Variants in SCYL2 observed in about 807,000 individuals in gnomAD.
The protein encoded by SCYL2 is SCY1 like pseudokinase 2, also known as SCY1-like protein 2.
A neutral mutation model predicts 100.4 loss-of-function variants in SCYL2; 36 were observed. The observed-to-expected ratio is 0.36, with a 90% CI of 0.27 to 0.47. SCYL2 has a LOEUF of 0.47. SCYL2 is among the 20% of genes least tolerant of loss of function. The pLI, the probability that SCYL2 is intolerant of heterozygous loss-of-function variation, is 1.00. For missense variants in SCYL2, 902 were observed against 1,083.9 expected (o/e 0.83, Z 2.36); for synonymous variants, 330 against 359.2 (o/e 0.92, Z 0.92).
rs554585557 is a variant in SCYL2 at position 100,304,118 on chromosome 12, G to A, written c.480+5943G>A. 5.3e-5 allele frequency among the ~76,000 whole-genome samples: 8 copies of A among 152,270 alleles called. No individual in the cohort carries two copies. In the South Asian group the frequency reaches 1.0e-3, roughly 20 times the overall value. On this transcript the variant is annotated intron_variant, in intron 4 of 17. Transcript: ENST00000360820. The stretch of plus-strand genomic sequence containing the variant: ...AGACGCCTCTCCCCTCACTGAGCTC[G>A]AGTGTCCCAGGTTGATTTCAGACTG...
chr12:100,270,881 GCTT>G (rs2096286900), intron 1 of SCYL2, among the ~76,000 whole-genome samples: 1 of 151,872 alleles, frequency 6.6e-6, no homozygotes, highest in African/African-American at 2.4e-5. Context: ...TTAGCATGGT[GCTT>G]TTCATCTAGT....
chr12:100,297,571 C>T (rs1218288000), intron 3 of SCYL2, among the ~76,000 whole-genome samples: 1 of 152,228 alleles, frequency 6.6e-6, no homozygotes, highest in Non-Finnish European at 1.5e-5. Context: ...CCTTGTCTCT[C>T]TTCCTGACTA....
intron 3 of SCYL2, among the ~76,000 whole-genome samples, chr12:100,295,511 C>T (rs1349333271): frequency 6.6e-6 from 1 of 152,044 alleles, no homozygotes; most frequent in Non-Finnish European, 1.5e-5. Context: ...GCCAGGCCAA[C>T]ACAGCGAAAC....
intron 3 of SCYL2, 21 bp downstream of exon 3, chr12:100,291,681 A>G: frequency 1.3e-6 from 2 of 1,555,800 alleles, no homozygotes; most frequent in African/African-American, 1.4e-5. Flanking sequence ...ACAAAAACTT[A>G]CATAGTAGAC....
intron 1 of SCYL2, among the ~76,000 whole-genome samples, chr12:100,279,959 T>C (rs1272380347): frequency 6.6e-5 from 10 of 152,336 alleles, no homozygotes; most frequent in Admixed American, 4.6e-4. Context: ...AGAACTTTCA[T>C]CTACCTCCGC....
chr12:100,337,673 C>T (rs932157661), intron 17 of SCYL2, among the ~76,000 whole-genome samples, 167 bp downstream of exon 17: 1 of 152,090 alleles, frequency 6.6e-6, no homozygotes, highest in South Asian at 2.1e-4. Flanking sequence ...TCAGCTATAA[C>T]CTGCCTAATG....
At chr12:100,274,256 A>C (rs1471174965) in intron 1 of SCYL2, among the ~76,000 whole-genome samples, 1 of 152,218 alleles carries the variant, frequency 6.6e-6, no homozygotes, top group Non-Finnish European at 1.5e-5. Flanking sequence ...TGTATCCAAT[A>C]ATTTTGAATA....
chr12:100,307,594 C>G (rs1214738935), intron 4 of SCYL2, among the ~76,000 whole-genome samples: 1 of 152,162 alleles, frequency 6.6e-6, no homozygotes, highest in African/African-American at 2.4e-5. Flanking sequence ...GGAAAGACTT[C>G]ATGACTAAAG....
chr12:100,279,844 G>T (rs1463269198), intron 1 of SCYL2, among the ~76,000 whole-genome samples: 2 of 152,230 alleles, frequency 1.3e-5, no homozygotes, highest in African/African-American at 4.8e-5. Context: ...ACCTGGTGGA[G>T]TGTCACACTA....
At chr12:100,332,017 C>G (rs113026632) in intron 13 of SCYL2, among the ~76,000 whole-genome samples, 2 of 152,060 alleles carry the variant, frequency 1.3e-5, no homozygotes, top group Admixed American at 1.3e-4. Context: ...TATAGTTATG[C>G]CCAGGCTGTG....
At position 100,339,421 on chromosome 12, in the gene SCYL2, A is replaced by C; in HGVS notation, c.*249A>C. The C allele has an allele frequency of 2.3e-6, 1 of 426,122 alleles. No individual in the cohort carries two copies. The highest frequency in any genetic ancestry group is 4.2e-6 in the Non-Finnish European group (1 of 240,652). 26.4% of individuals were successfully genotyped at this position (426,122 alleles called of 1,614,324 possible). A position where few individuals can be genotyped will look rare whatever the true frequency, so the allele number is the denominator to read the frequency against. On this transcript the variant is annotated 3_prime_UTR_variant, in exon 18 of 18. Coordinates refer to ENST00000360820, the MANE Select transcript of SCYL2 (RefSeq NM_017988.6). ...GTTTTTAAAGACCCAGCCCTTCCCA[A>C]TCTCAAAGAGAAAAAGGAAACTGAG...
rs748645324 is a variant in SCYL2, at chr12:100,338,758, G to A, written c.2376G>A (p.Gln792=). Residue 792 remains glutamine, a synonymous_variant, in exon 18 of 18, where the codon CAG becomes CAA. Coordinates refer to ENST00000360820, the MANE Select transcript of SCYL2 (RefSeq NM_017988.6). ...SGFNMPVNTN[Q]NFYSSPSTVG... ...TCAACATGCCCGTTAATACAAACCA[G>A]AACTTCTACAGTAGTCCAAGCACAG... 32 of 1,614,012 alleles carry A rather than the reference G, an allele frequency of 2.0e-5. No individual in the cohort carries two copies. The highest frequency in any genetic ancestry group is 2.7e-5 in the Non-Finnish European group (32 of 1,180,012).
chr12:100,316,850 C>A (rs922173022), intron 9 of SCYL2, among the ~76,000 whole-genome samples: 1 of 152,100 alleles, frequency 6.6e-6, no homozygotes, highest in Non-Finnish European at 1.5e-5. Flanking sequence ...GCTTGTAATC[C>A]CAGTTCTTTG....
chr12:100,325,382 A>T (rs1448167241), intron 11 of SCYL2, among the ~76,000 whole-genome samples: 1 of 152,236 alleles, frequency 6.6e-6, no homozygotes, highest in East Asian at 1.9e-4. Context: ...TGTTGTTTAC[A>T]AGAAGTTATA....
chr12:100,333,900 C>T (rs1416738368), intron 13 of SCYL2: 10 of 280,906 alleles, frequency 3.6e-5, no homozygotes, highest in Non-Finnish European at 6.0e-5. Context: ...TAAACAACTC[C>T]GGGAGTAAAA....
At chr12:100,318,471 C>T (rs536124912) in intron 10 of SCYL2, among the ~76,000 whole-genome samples, 2 of 152,046 alleles carry the variant, frequency 1.3e-5, no homozygotes, top group South Asian at 2.1e-4. Flanking sequence ...GCTGGAACTA[C>T]AGGTGCCTGT....
At chr12:100,335,040 C>T (rs1178280129) in intron 14 of SCYL2, among the ~76,000 whole-genome samples, 1 of 151,856 alleles carries the variant, frequency 6.6e-6, no homozygotes, top group Non-Finnish European at 1.5e-5. Context: ...CCTTTGTATG[C>T]TTGAAGTATT....
At chr12:100,275,987 A>T (rs1033580164) in intron 1 of SCYL2, among the ~76,000 whole-genome samples, 1 of 152,160 alleles carries the variant, frequency 6.6e-6, no homozygotes, top group African/African-American at 2.4e-5. Flanking sequence ...CATTTTTAAA[A>T]GTTGAATTAA....
intron 11 of SCYL2, among the ~76,000 whole-genome samples, chr12:100,326,159 C>T (rs572953918): frequency 6.6e-6 from 1 of 152,136 alleles, no homozygotes; most frequent in African/African-American, 2.4e-5. Flanking sequence ...ATAGAAAACA[C>T]ATATATGGAT....
Sources: gnomAD v4.1 joint callset for allele counts (sites outside exome capture counted in the v4.1 genomes callset) on GRCh38, gnomAD v4.1.1 for gene constraint, MANE v1.5 for transcripts, NCBI Gene and HGNC (gene_info 2026-07-23, HGNC 2026-07-21) for gene names.